The following MELTF variants were observed in gnomAD, a reference collection of about 807,000 sequenced individuals.
The protein encoded by MELTF is melanotransferrin, also known as antigen p97 (melanoma associated) identified by monoclonal antibodies 133.2 and 96.5.
In MELTF, 67 loss-of-function variants were observed where a neutral mutation model predicts 83.7. That is an observed-to-expected ratio of 0.80 (90% confidence interval 0.66 to 0.98). The LOEUF (loss-of-function observed/expected upper bound fraction) is 0.98, where lower values mean the gene tolerates loss of function less well. MELTF is among the 50% of genes least tolerant of loss of function. MELTF has a pLI of 0.00. For missense variants in MELTF, 1,002 were observed against 1,035.6 expected (o/e 0.97, Z 0.44); for synonymous variants, 462 against 447.6 (o/e 1.03, Z -0.41).
rs1319165401 is a variant in MELTF at position 197,002,067 on chromosome 3, T to G, written c.*1305A>C. ...CCGAGGCCCAGGTCCTTGTGGCCCC[T>G]CCCGGTGGGGTGAAGGTGCCCGGGA... On this transcript the variant is annotated 3_prime_UTR_variant, in exon 16 of 16. Transcript: ENST00000296350. 6.6e-6 allele frequency: 1 copy of G among 152,178 alleles called. No homozygotes were observed. The highest frequency in any genetic ancestry group is 1.9e-4 in the East Asian group (1 of 5,152). The allele number at this position is 152,178 out of a possible 1,614,324, so 9.4% of individuals were successfully genotyped here. A position where few individuals can be genotyped will look rare whatever the true frequency, so the allele number is the denominator to read the frequency against.
In MELTF at chr3:197,011,544, G is replaced by A. The variant is rs187007894; in HGVS notation, c.1234-750C>T. 8.8e-4 allele frequency among the ~76,000 whole-genome samples: 134 copies of A among 152,322 alleles called. 2 individuals are homozygous for A. The highest frequency in any genetic ancestry group is 3.4e-3 in the Middle Eastern group (1 of 294). Reference sequence around the variant, plus strand: ...CCTGTGCCCCAGGAAGGTGTCCCACGCCATTCCTGAAGAGGCATGAAGTGA... The same window carrying A: ...CCTGTGCCCCAGGAAGGTGTCCCACACCATTCCTGAAGAGGCATGAAGTGA... On this transcript the variant is annotated intron_variant, in intron 9 of 15. Coordinates refer to ENST00000296350, the MANE Select transcript of MELTF (RefSeq NM_005929.6). This position sits in a 1 kb window ranked among gnomAD's most constrained non-coding sequence, Gnocchi z 4.2.
intron 6 of MELTF, among the ~76,000 whole-genome samples, chr3:197,018,485 C>T (rs1053918235): frequency 1.0e-4 from 15 of 150,472 alleles, no homozygotes; most frequent in African/African-American, 2.7e-4. Context: ...CTTACTCTGT[C>T]GCTCAGGCTG....
rs41292039 is a variant in MELTF, at chr3:197,003,888, G to A, written c.2137+13C>T. ...ATAGCACCAGGGGAGGCGGCAGGGC[G>A]GGCCTGTCCTACCTGCGCCCGAGCA... On this transcript the variant is annotated intron_variant, in intron 15 of 15. Transcript: ENST00000296350. This position sits in a 1 kb window ranked among gnomAD's most constrained non-coding sequence, Gnocchi z 6.2. 46,977 of 1,611,572 alleles carry A rather than the reference G, an allele frequency of 0.029. 1,129 individuals carry two copies. Among genetic ancestry groups the A allele is most frequent in the Admixed American group, 0.11 (6,705 of 59,984 alleles).
At chr3:197,016,585 C>G (rs1719386632) in intron 7 of MELTF, among the ~76,000 whole-genome samples, 1 of 152,198 alleles carries the variant, frequency 6.6e-6, no homozygotes, top group African/African-American at 2.4e-5. Flanking sequence ...GTTCATTTGG[C>G]CTCCTCACAC....
intron 1 of MELTF, chr3:197,028,758 AC>A (rs1719963396): frequency 6.6e-6 from 1 of 151,922 alleles, no homozygotes; most frequent in Non-Finnish European, 1.5e-5. Flanking sequence ...TCTGCCATTC[AC>A]CCTGCCCCAG....
rs569720373 is a variant in MELTF at position 197,015,579 on chromosome 3, G to A, written c.1082-63C>T. On this transcript the variant is annotated intron_variant, in intron 8 of 15. Transcript: ENST00000296350. Reference sequence around the variant, plus strand: ...TACTGCCATGGAAGAGCATGGAGTCGGACCCAAGGGAAATTCTGGGCCTTT... The same window carrying A: ...TACTGCCATGGAAGAGCATGGAGTCAGACCCAAGGGAAATTCTGGGCCTTT... 6.7e-5 allele frequency: 101 copies of A among 1,518,606 alleles called. 1 individual carries two copies. The highest frequency in any genetic ancestry group is 4.6e-4 in the South Asian group (37 of 80,798). 94.1% of individuals were successfully genotyped at this position (1,518,606 alleles called of 1,614,324 possible). A position where few individuals can be genotyped will look rare whatever the true frequency, so the allele number is the denominator to read the frequency against.
Position 197,004,151 on chromosome 3 carries a change from C to T in MELTF, c.1939-52G>A, listed in dbSNP as rs1370930287. ...GCTCCTCACTGGGCTCAGGCAGGGTCACCCGCCCAGTGCCGCTAGCTGCAA... is the reference window on the plus strand; with the variant it reads ...GCTCCTCACTGGGCTCAGGCAGGGTTACCCGCCCAGTGCCGCTAGCTGCAA... On this transcript the variant is annotated intron_variant, in intron 14 of 15. Coordinates refer to ENST00000296350, the MANE Select transcript of MELTF (RefSeq NM_005929.6). 5 of 1,578,630 alleles carry T rather than the reference C, an allele frequency of 3.2e-6. No individual in the cohort carries two copies. The South Asian group carries it at 4.4e-5, about 14-fold the overall frequency.
rs3773848 is a variant in MELTF at position 197,028,866 on chromosome 3, C to G, written c.49+788G>C. On this transcript the variant is annotated intron_variant, in intron 1 of 15. Coordinates refer to ENST00000296350, the MANE Select transcript of MELTF (RefSeq NM_005929.6). ...GTGGCAGCCCCACCAGCCCAAGGGC[C>G]GAGACTGAAGCTTCCGCCACAGCCC... 5.8e-4 allele frequency: 89 copies of G among 152,802 alleles called. 1 individual carries two copies. The East Asian group carries it at 0.015, about 26-fold the overall frequency. The allele number at this position is 152,802 out of a possible 1,614,324, so 9.5% of individuals were successfully genotyped here.
chr3:197,019,059 C>A (rs2148587371), intron 6 of MELTF: 1 of 985,428 alleles, frequency 1.0e-6, no homozygotes, highest in Non-Finnish European at 1.2e-6. Context: ...GCTTTCACTG[C>A]AAAGCTATTT....
At position 197,006,619 on chromosome 3, in the gene MELTF, G is replaced by T. The variant is rs1718987919; in HGVS notation, c.1868C>A (p.Pro623Gln). 3.1e-6 allele frequency: 5 copies of T among 1,613,288 alleles called. No homozygotes were observed. Among genetic ancestry groups the T allele is most frequent in the Non-Finnish European group, 4.2e-6 (5 of 1,179,568 alleles). ...GGGCCGGACCATCACGGCGTGGGGT[G>T]GTATCTGTGCCAGGTTGCAGGCTGC... ...QFAACNLAQI[P>Q]PHAVMVRPDT... The change falls in exon 14 of 16, where the codon CCA becomes CAA. Residue 623 changes from proline (P) to glutamine (Q), a missense_variant. By Grantham distance (76) the Pro-to-Gln change is moderately conservative. Coordinates refer to ENST00000296350, the MANE Select transcript of MELTF (RefSeq NM_005929.6). The surrounding 1 kb of genome is among the most constrained non-coding windows in gnomAD (Gnocchi z 5.4).
At chr3:197,015,236 G>A (rs1030019304) in intron 9 of MELTF, 129 bp downstream of exon 9, 15 of 1,171,878 alleles carry the variant, frequency 1.3e-5, no homozygotes, top group African/African-American at 6.2e-5. Context: ...CTCCCCACCC[G>A]TCTCTGTGGG....
chr3:197,018,431 G>A (rs944324863), intron 6 of MELTF, among the ~76,000 whole-genome samples: 3 of 151,066 alleles, frequency 2.0e-5, no homozygotes, highest in Non-Finnish European at 2.9e-5. Context: ...GATTACAGGC[G>A]TGAGCCTCCA....
intron 9 of MELTF, 77 bp downstream of exon 9, chr3:197,015,288 G>C: frequency 6.9e-7 from 1 of 1,445,014 alleles, no homozygotes; most frequent in Non-Finnish European, 9.4e-7. Flanking sequence ...GGCAGCAGGG[G>C]GTGTGGGTAG....
intron 7 of MELTF, among the ~76,000 whole-genome samples, chr3:197,016,598 A>G (rs1719387211): frequency 6.6e-6 from 1 of 152,154 alleles, no homozygotes; most frequent in African/African-American, 2.4e-5. Flanking sequence ...CCTCACACTC[A>G]GCTGTTTGGA....
chr3:197,019,424 C>A, intron 6 of MELTF: 1 of 1,379,662 alleles, frequency 7.2e-7, no homozygotes. Context: ...AAATGACTCC[C>A]TTAGATTGCC....
chr3:197,003,896 C>G lies in MELTF; in HGVS notation c.2137+5G>C. 1.9e-6 allele frequency: 3 copies of G among 1,612,958 alleles called. No homozygotes were observed. The highest frequency in any genetic ancestry group is 2.5e-6 in the Non-Finnish European group (3 of 1,179,770). ...AGGGGAGGCGGCAGGGCGGGCCTGT[C>G]CTACCTGCGCCCGAGCACTGCTGAG... On this transcript the variant is annotated splice_donor_5th_base_variant and intron_variant, in intron 15 of 15. Transcript: ENST00000296350. The surrounding 1 kb of genome is among the most constrained non-coding windows in gnomAD (Gnocchi z 6.2).
At position 197,003,401 on chromosome 3, in the gene MELTF, C is replaced by T. The variant is rs1464831919; in HGVS notation, c.2188G>A (p.Ala730Thr). The T allele has an allele frequency of 7.4e-6, 8 of 1,085,496 alleles. No homozygotes were observed. The highest frequency in any genetic ancestry group is 4.4e-5 in the South Asian group (1 of 22,818). 67.2% of individuals were successfully genotyped at this position (1,085,496 alleles called of 1,614,324 possible). A position where few individuals can be genotyped will look rare whatever the true frequency, so the allele number is the denominator to read the frequency against. The change falls in exon 16 of 16, where the codon GCC becomes ACC. Residue 730 changes from alanine (A) to threonine (T), a missense_variant. By Grantham distance (58) the Ala-to-Thr change is moderately conservative (BLOSUM62 0). Coordinates refer to ENST00000296350, the MANE Select transcript of MELTF (RefSeq NM_005929.6). This position sits in a 1 kb window ranked among gnomAD's most constrained non-coding sequence, Gnocchi z 6.2. The part of the protein sequence containing the change: ...PLLPLLLPAL[A>T]ARLLPPAL ...AGGGCGGGCGGGAGCAGGCGGGCGG[C>T]GAGGGCGGGCAGCAGCAGCGGGAGC...
rs781461188 is a variant in MELTF at position 197,006,571 on chromosome 3, T to C, written c.1916A>G (p.Tyr639Cys). The C allele has an allele frequency of 9.3e-6, 15 of 1,613,508 alleles. No homozygotes were observed. Among genetic ancestry groups the C allele is most frequent in the East Asian group, 2.2e-5 (1 of 44,856 alleles). ...VRPDTNIFTV[Y>C]GLLDKAQDLF... is the part of the protein sequence containing the mutation. Reference sequence around the variant, plus strand: ...CACCTGGGCCTTGTCCAGCAGTCCATACACGGTGAAGATGTTGGTGTCGGG... The same window carrying C: ...CACCTGGGCCTTGTCCAGCAGTCCACACACGGTGAAGATGTTGGTGTCGGG... Residue 639 changes from tyrosine to cysteine, a missense_variant, in exon 14 of 16, where the codon TAT becomes TGT. Coordinates refer to ENST00000296350, the MANE Select transcript of MELTF (RefSeq NM_005929.6). This position sits in a 1 kb window ranked among gnomAD's most constrained non-coding sequence, Gnocchi z 5.4.
chr3:197,008,311 G>A lies in MELTF; in HGVS notation c.1750+346C>T, dbSNP rs1719050756. On this transcript the variant is annotated intron_variant, in intron 13 of 15. Coordinates refer to ENST00000296350, the MANE Select transcript of MELTF (RefSeq NM_005929.6). This position sits in a 1 kb window ranked among gnomAD's most constrained non-coding sequence, Gnocchi z 5.4. ...CTGATTGAACTCATGACCCTGTGGAGAGGCTCATGCCACTCCCACCTCACA... is the reference window on the plus strand; with the variant it reads ...CTGATTGAACTCATGACCCTGTGGAAAGGCTCATGCCACTCCCACCTCACA... Among the ~76,000 whole-genome samples the A allele has an allele frequency of 6.6e-6, 1 of 152,160 alleles. No individual in the cohort carries two copies. Among genetic ancestry groups the A allele is most frequent in the South Asian group, 2.1e-4 (1 of 4,828 alleles).
Sources: gnomAD v4.1 joint callset for allele counts (sites outside exome capture counted in the v4.1 genomes callset) on GRCh38, gnomAD v4.1.1 for gene constraint, Gnocchi (gnomAD v3.1) non-coding constraint, MANE v1.5 for transcripts, NCBI Gene and HGNC (gene_info 2026-07-23, HGNC 2026-07-21) for gene names.